Variants in KDM3A observed in about 807,000 individuals in gnomAD.
KDM3A encodes the protein lysine demethylase 3A.
A neutral mutation model predicts 158.0 loss-of-function variants in KDM3A; 60 were observed. The ratio of observed to expected loss-of-function variants is 0.38; its 90% confidence interval spans 0.31 to 0.47. The LOEUF is 0.47. Among genes scored for constraint, KDM3A ranks in the 20% least tolerant of loss-of-function variants. KDM3A has a pLI of 0.99. For synonymous variants in KDM3A, 608 were observed against 549.3 expected (o/e 1.11, Z -1.49); for missense variants, 1,319 against 1,574.3 (o/e 0.84, Z 2.74).
Position 86,474,769 on chromosome 2 carries a change from C to T in KDM3A, c.1725-7C>T, listed in dbSNP as rs750142993. The T allele has an allele frequency of 6.4e-7, 1 of 1,556,816 alleles. No individual in the cohort carries two copies. Among genetic ancestry groups the T allele is most frequent in the Non-Finnish European group, 8.8e-7 (1 of 1,135,502 alleles). ...CATTACATCTTTTTTTCCCCTGCTT[C>T]CCCTAGGTTACAATTCAACAAACAT... On this transcript the variant is annotated splice_polypyrimidine_tract_variant and splice_region_variant and intron_variant, in intron 11 of 25. Transcript: ENST00000312912.
At chr2:86,466,037 A>G (rs1295980001) in intron 9 of KDM3A, among the ~76,000 whole-genome samples, 1 of 151,724 alleles carries the variant, frequency 6.6e-6, no homozygotes, top group Non-Finnish European at 1.5e-5. Flanking sequence ...TGCTGAGTAT[A>G]TTCTTTGGTT....
intron 21 of KDM3A, among the ~76,000 whole-genome samples, chr2:86,486,710 A>G (rs1450510256): frequency 1.3e-5 from 2 of 152,090 alleles, no homozygotes; most frequent in Admixed American, 6.5e-5. Context: ...TGTCTTCGCT[A>G]TGTTCTCCAA....
intron 18 of KDM3A, 52 bp downstream of exon 18, chr2:86,482,746 C>T (rs770147031): frequency 1.3e-6 from 2 of 1,566,936 alleles, no homozygotes; most frequent in East Asian, 4.5e-5. Flanking sequence ...CTTCTCAGTT[C>T]CTTTAGCAGA....
chr2:86,478,491 GA>G, intron 14 of KDM3A, 116 bp from the exon 15 acceptor site: 1 of 1,205,186 alleles, frequency 8.3e-7, no homozygotes, highest in Non-Finnish European at 1.2e-6. Context: ...GGAGCAGGAT[GA>G]AAAGGAGGGA....
chr2:86,438,066 A>AT (rs1682519662), upstream of KDM3A, among the ~76,000 whole-genome samples: 1 of 152,062 alleles, frequency 6.6e-6, no homozygotes, highest in Admixed American at 6.5e-5. Context: ...TTTATTGGGA[A>AT]TTTTTCTAAA....
rs367928041 is a variant in KDM3A at position 86,484,200 on chromosome 2, G to GGA, written c.3094+44_3094+45dup. On this transcript the variant is annotated intron_variant, in intron 19 of 25. Transcript: ENST00000312912. ...TTTTAAGGGGGTTGGGGATGTGAAAGGAGGGGACACAGGAATGGCAGGAGT... is the reference window on the plus strand; with the variant it reads ...TTTTAAGGGGGTTGGGGATGTGAAAGGAGAGGGGACACAGGAATGGCAGGAGT... 86 of 1,555,918 alleles carry GGA rather than the reference G, an allele frequency of 5.5e-5. No homozygotes were observed. The Middle Eastern group carries it at 1.3e-3, about 23-fold the overall frequency.
chr2:86,444,615 T>C (rs769673944), intron 2 of KDM3A, among the ~76,000 whole-genome samples: 1 of 137,488 alleles, frequency 7.3e-6, no homozygotes, highest in East Asian at 2.2e-4. Flanking sequence ...ACTAAGACCA[T>C]GCTTACACTA....
intron 3 of KDM3A, 40 bp downstream of exon 3, chr2:86,450,002 G>A (rs1163572908): frequency 1.9e-6 from 3 of 1,563,830 alleles, no homozygotes; most frequent in Non-Finnish European, 2.6e-6. Context: ...TGAGAAGAGG[G>A]CATTTTATCC....
At chr2:86,470,468 G>A in intron 11 of KDM3A, 60 bp downstream of exon 11, 6 of 1,387,474 alleles carry the variant, frequency 4.3e-6, no homozygotes, top group Non-Finnish European at 5.1e-6. Context: ...TAGATCATCT[G>A]GCATACTTTT....
chr2:86,484,914 G>T (rs1397320054), intron 19 of KDM3A, 28 bp from the exon 20 acceptor site: 7 of 1,371,262 alleles, frequency 5.1e-6, no homozygotes, highest in South Asian at 2.4e-5. Context: ...ATTATAAATA[G>T]TAATAGTTCA....
intron 8 of KDM3A, among the ~76,000 whole-genome samples, chr2:86,458,724 A>G (rs949546096): frequency 4.6e-5 from 7 of 152,168 alleles, no homozygotes; most frequent in Non-Finnish European, 8.8e-5. Context: ...CAAATGTTTC[A>G]TTGTGGCAGG....
chr2:86,478,605 T>C lies in KDM3A; in HGVS notation c.2189-3T>C. ...CAGATGTTTGCCTCTGCCCTTTCTT[T>C]AGCACTCTATGATGTTGGAGACATT... On this transcript the variant is annotated splice_region_variant and splice_polypyrimidine_tract_variant and intron_variant, in intron 14 of 25. Coordinates refer to ENST00000312912, the MANE Select transcript of KDM3A (RefSeq NM_018433.6). The C allele has an allele frequency of 6.2e-7, 1 of 1,613,980 alleles. No homozygotes were observed. Among genetic ancestry groups the C allele is most frequent in the East Asian group, 2.2e-5 (1 of 44,870 alleles).
chr2:86,488,997 C>T (rs1402354823), intron 21 of KDM3A: 1 of 257,920 alleles, frequency 3.9e-6, no homozygotes, highest in African/African-American at 2.3e-5. Context: ...TGGGCTTTGT[C>T]TCTTGCCCCA....
chr2:86,456,926 T>A (rs1199987759), intron 7 of KDM3A, 49 bp downstream of exon 7: 1 of 1,566,676 alleles, frequency 6.4e-7, no homozygotes, highest in East Asian at 2.2e-5. Flanking sequence ...TTTCCTCCGT[T>A]CTTCTCACAT....
At position 86,449,839 on chromosome 2, in the gene KDM3A, G is replaced by A. The variant is rs771300924; in HGVS notation, c.219G>A (p.Arg73=). The A allele has an allele frequency of 1.9e-6, 3 of 1,613,054 alleles. No homozygotes were observed. The East Asian group carries it at 6.7e-5, about 36-fold the overall frequency. The part of the protein sequence containing the change: ...VCVEFDGESW[R]KRRWIEVYSL... ...TGGAATTTGATGGGGAATCTTGGAG[G>A]AAAAGAAGATGGATAGAAGTCTACA... Residue 73 remains arginine (R), a synonymous_variant, in exon 3 of 26, where the codon AGG becomes AGA. Transcript: ENST00000312912.
Position 86,482,658 on chromosome 2 carries a change from C to T in KDM3A, c.2886C>T (p.Asn962=), listed in dbSNP as rs1460535444. ...LCLQDPNNKS[N]WNVFRECWKQ... The stretch of plus-strand genomic sequence containing the variant: ...TGCAAGACCCCAACAATAAGAGCAA[C>T]TGGAATGTGTTTAGGGAGTGCTGGA... Residue 962 remains asparagine, a synonymous_variant, in exon 18 of 26, where the codon AAC becomes AAT. Coordinates refer to ENST00000312912, the MANE Select transcript of KDM3A (RefSeq NM_018433.6). The T allele has an allele frequency of 1.9e-6, 3 of 1,614,006 alleles. No individual in the cohort carries two copies. Among genetic ancestry groups the T allele is most frequent in the South Asian group, 1.1e-5 (1 of 91,084 alleles).
chr2:86,447,046 G>A (rs537586400), intron 2 of KDM3A, among the ~76,000 whole-genome samples: 2 of 152,190 alleles, frequency 1.3e-5, no homozygotes, highest in African/African-American at 2.4e-5. Flanking sequence ...TCCTGGACTC[G>A]AGTGATCCTC....
intron 1 of KDM3A, 158 bp from the exon 2 acceptor site, chr2:86,441,860 C>CG (rs1682727886): frequency 1.2e-5 from 2 of 168,334 alleles, no homozygotes; most frequent in Non-Finnish European, 1.7e-5. Context: ...GGGAGGGCGG[C>CG]GGGGGGCGGG....
At chr2:86,455,060 C>A in intron 4 of KDM3A, 25 bp from the exon 5 acceptor site, 1 of 1,323,582 alleles carries the variant, frequency 7.6e-7, no homozygotes. Context: ...TTACCCTTAA[C>A]ATGTAATGAT....
Sources: gnomAD v4.1 joint callset for allele counts (sites outside exome capture counted in the v4.1 genomes callset) on GRCh38, gnomAD v4.1.1 for gene constraint, MANE v1.5 for transcripts, NCBI Gene and HGNC (gene_info 2026-07-23, HGNC 2026-07-21) for gene names.